FRMD6: variants seen among roughly 807,000 people sequenced by gnomAD.
FRMD6 encodes the protein FERM domain-containing protein 6.
A neutral mutation model predicts 73.2 loss-of-function variants in FRMD6; 37 were observed. That is an observed-to-expected ratio of 0.51 (90% CI 0.39 to 0.66). The LOEUF (loss-of-function observed/expected upper bound fraction) is 0.66. Ranked by LOEUF, FRMD6 falls within the 30% of genes least tolerant of loss-of-function variation. The pLI is 0.00. For missense variants in FRMD6, 714 were observed against 780.5 expected, an observed-to-expected ratio of 0.91 and a Z score of 1.02; for synonymous variants, 273 against 282.2, an observed-to-expected ratio of 0.97 and a Z score of 0.33.
chr14:51,492,718 G>T (rs1292299822), intron 1 of FRMD6, among the ~76,000 whole-genome samples: 1 of 152,196 alleles, frequency 6.6e-6, no homozygotes, highest in African/African-American at 2.4e-5. Flanking sequence ...TGAACAGGTA[G>T]TGTGTACCCA....
At chr14:51,517,363 A>G (rs1279456372) in intron 1 of FRMD6, among the ~76,000 whole-genome samples, 1 of 152,226 alleles carries the variant, frequency 6.6e-6, no homozygotes, top group Non-Finnish European at 1.5e-5. Flanking sequence ...CAAGGCTCCA[A>G]GTATTTATTC....
At chr14:51,525,904 T>C (rs1410124653) in intron 1 of FRMD6, among the ~76,000 whole-genome samples, 1 of 152,150 alleles carries the variant, frequency 6.6e-6, no homozygotes, top group Non-Finnish European at 1.5e-5. Context: ...TTGAAGAAGA[T>C]GAATGAGTAA....
intron 2 of FRMD6, among the ~76,000 whole-genome samples, chr14:51,608,884 A>G (rs1890373547): frequency 6.6e-6 from 1 of 152,230 alleles, no homozygotes; most frequent in African/African-American, 2.4e-5. Context: ...TAAAGTGGCT[A>G]CCACAATGCA....
At chr14:51,643,118 T>C (rs949405668) in intron 2 of FRMD6, among the ~76,000 whole-genome samples, 1 of 152,234 alleles carries the variant, frequency 6.6e-6, no homozygotes, top group Non-Finnish European at 1.5e-5. Context: ...CATCACTACT[T>C]ATTTTCTTTA....
chr14:51,532,367 T>C (rs28542073), intron 1 of FRMD6, among the ~76,000 whole-genome samples: 51,513 of 119,344 alleles, frequency 0.43, 9,721 homozygotes, highest in African/African-American at 0.6. Context: ...AGACTCCATC[T>C]CAAAAAAAAA....
At chr14:51,668,733 C>A (rs1267290962) in intron 1 of FRMD6, among the ~76,000 whole-genome samples, 1 of 152,022 alleles carries the variant, frequency 6.6e-6, no homozygotes, top group African/African-American at 2.4e-5. Flanking sequence ...GTGCCATAGT[C>A]TTGGCTCTCT....
chr14:51,512,137 T>C (rs1884346413), intron 1 of FRMD6, among the ~76,000 whole-genome samples: 1 of 152,190 alleles, frequency 6.6e-6, no homozygotes, highest in Non-Finnish European at 1.5e-5. Context: ...CACTGAAGTC[T>C]AGCCAGGCTA....
At position 51,619,323 on chromosome 14, in the gene FRMD6, T is replaced by C. The variant is rs183786012; in HGVS notation, c.-147+48913T>C. ...ACACAAAGACTTCTGTGGATGTCTGTTTATTAAGTTAAATAGCATAGCTGG... is the reference window on the plus strand; with the variant it reads ...ACACAAAGACTTCTGTGGATGTCTGCTTATTAAGTTAAATAGCATAGCTGG... On this transcript the variant is annotated intron_variant, in intron 2 of 14. Transcript: ENST00000356218. Among the ~76,000 whole-genome samples the C allele has an allele frequency of 2.0e-4, 31 of 152,026 alleles. 1 individual carries two copies. Among genetic ancestry groups the C allele is most frequent in the Admixed American group, 2.0e-3 (30 of 15,294 alleles).
intron 1 of FRMD6, among the ~76,000 whole-genome samples, chr14:51,546,399 T>TA: frequency 7.2e-6 from 1 of 138,274 alleles, no homozygotes; most frequent in Non-Finnish European, 1.6e-5. Flanking sequence ...AGAAACTCTT[T>TA]TTTTTTTCTT....
rs546794880 is a variant in FRMD6 at position 51,538,211 on chromosome 14, A to G, written c.-209-32137A>G. On this transcript the variant is annotated intron_variant, in intron 1 of 14. Coordinates refer to the FRMD6 transcript ENST00000356218. ...GTACAAAGTCTGTGTCTAGATTCAT[A>G]TTTTTGTATGTGTTAACTCTGTACA... 1.4e-4 allele frequency among the ~76,000 whole-genome samples: 22 copies of G among 152,162 alleles called. No homozygotes were observed. In the South Asian group the frequency reaches 4.6e-3, roughly 32 times the overall value.
At chr14:51,727,581 T>G (rs556321789) in intron 13 of FRMD6, among the ~76,000 whole-genome samples, 164 bp from the exon 14 acceptor site, 73 of 152,348 alleles carry the variant, frequency 4.8e-4, no homozygotes, top group African/African-American at 1.7e-3. Flanking sequence ...GGAGGTGGTG[T>G]TGATGATATA....
Position 51,712,488 on chromosome 14 carries a change from A to G in FRMD6, c.786A>G (p.Leu262=), listed in dbSNP as rs1334115216. The G allele has an allele frequency of 6.3e-7, 1 of 1,582,018 alleles. No homozygotes were observed. The highest frequency in any genetic ancestry group is 8.7e-7 in the Non-Finnish European group (1 of 1,152,160). The change falls in exon 9 of 14, where the codon TTA becomes TTG. Residue 262 remains leucine (L), a synonymous_variant. Coordinates refer to ENST00000344768, the MANE Select transcript of FRMD6 (RefSeq NM_001267046.2). ...TMRGIQIFQN[L]DEEKQLLYDF... Reference sequence around the variant, plus strand: ...TATGCATATTCTTTTCACAGAATTTAGATGAAGAGAAACAATTACTTTATG... The same window carrying G: ...TATGCATATTCTTTTCACAGAATTTGGATGAAGAGAAACAATTACTTTATG...
At chr14:51,537,302 A>G (rs1017035809) in intron 1 of FRMD6, among the ~76,000 whole-genome samples, 7 of 152,146 alleles carry the variant, frequency 4.6e-5, no homozygotes, top group African/African-American at 1.4e-4. Flanking sequence ...ATATACATTG[A>G]AGTTTCCTCC....
chr14:51,415,636 A>T, the FRMD6 span, among the ~76,000 whole-genome samples: 5 of 152,182 alleles, frequency 3.3e-5, no homozygotes, highest in East Asian at 9.6e-4. Context: ...TGTCTCTGCC[A>T]GGCTTTGGTA....
the FRMD6 span, among the ~76,000 whole-genome samples, chr14:51,411,203 C>G: frequency 2.6e-4 from 39 of 152,292 alleles, no homozygotes; most frequent in East Asian, 7.1e-3. Flanking sequence ...AAAGGCTGAG[C>G]TAGCTAATAC....
intron 2 of FRMD6, among the ~76,000 whole-genome samples, chr14:51,587,592 T>A (rs1378246243): frequency 2.0e-5 from 3 of 152,182 alleles, no homozygotes; most frequent in Non-Finnish European, 4.4e-5. Flanking sequence ...TGATATCTGC[T>A]GCTTTTGATC....
At chr14:51,417,061 A>T in the FRMD6 span, among the ~76,000 whole-genome samples, 1 of 151,902 alleles carries the variant, frequency 6.6e-6, no homozygotes, top group Non-Finnish European at 1.5e-5. Flanking sequence ...TGCACGTGAG[A>T]TGGGTCTCCT....
chr14:51,692,277 C>T (rs1380406816), intron 2 of FRMD6, among the ~76,000 whole-genome samples: 3 of 152,124 alleles, frequency 2.0e-5, no homozygotes, highest in Non-Finnish European at 2.9e-5. Context: ...GACAATGTGT[C>T]TCTTTTTTCA....
upstream of FRMD6, chr14:51,650,050 A>T (rs1044539217): frequency 9.2e-5 from 14 of 152,094 alleles, no homozygotes; most frequent in Non-Finnish European, 2.1e-4. Context: ...CGCTAATTTA[A>T]AAGGCAGTCA....
Sources: allele counts gnomAD v4.1 joint callset (sites outside exome capture counted in the v4.1 genomes callset), GRCh38; gene constraint gnomAD v4.1.1; transcripts MANE v1.5; gene names NCBI Gene and HGNC (gene_info 2026-07-23, HGNC 2026-07-21).